Variants in HDAC4 observed in about 807,000 individuals in gnomAD.
HDAC4 encodes the protein histone deacetylase A.
A neutral mutation model predicts 135.1 loss-of-function variants in HDAC4; 16 were observed. The observed-to-expected ratio is 0.12, with a 90% CI of 0.08 to 0.18. The LOEUF is 0.18. Ranked by LOEUF, HDAC4 falls within the 10% of genes least tolerant of loss-of-function variation. The probability of loss-of-function intolerance (pLI) is 1.00; values close to 1 mark genes in which losing one functional copy is unlikely to be tolerated. For missense variants in HDAC4, 1,143 were observed against 1,511.8 expected (o/e 0.76, Z 4.05); for synonymous variants, 685 against 653.4 (o/e 1.05, Z -0.74).
At position 239,331,969 on chromosome 2, in the gene HDAC4, C is replaced by T. The variant is rs551590296; in HGVS notation, c.22+20709G>A. ...GTCCTCACAGAATCCGCAGCTTGAG[C>T]GTAAGAAGGGATACAAGAGGGAAAG... is the stretch of plus-strand genomic sequence containing the variant. On this transcript the variant is annotated intron_variant, in intron 2 of 26. Coordinates refer to ENST00000543185, the MANE Select transcript of HDAC4 (RefSeq NM_001378414.1). The surrounding 1 kb of genome is among the most constrained non-coding windows in gnomAD (Gnocchi z 4.5). 6.6e-6 allele frequency among the ~76,000 whole-genome samples: 1 copy of T among 152,054 alleles called. No homozygotes were observed. Among genetic ancestry groups the T allele is most frequent in the East Asian group, 1.9e-4 (1 of 5,176 alleles).
chr2:239,111,485 C>T lies in HDAC4; in HGVS notation c.1978+41G>A, dbSNP rs201181233. On this transcript the variant is annotated intron_variant, in intron 14 of 26. Coordinates refer to ENST00000543185, the MANE Select transcript of HDAC4 (RefSeq NM_001378414.1). Reference sequence around the variant, plus strand: ...GCCCCCCGCGCTGTGCCCACTGTGGCCCGCGTTGCACCCTCAGGCTGCACA... The same window carrying T: ...GCCCCCCGCGCTGTGCCCACTGTGGTCCGCGTTGCACCCTCAGGCTGCACA... 1.5e-4 allele frequency: 230 copies of T among 1,577,200 alleles called. No individual in the cohort carries two copies. In the African/African-American group the frequency reaches 2.5e-3, roughly 17 times the overall value.
At chr2:239,161,482 C>G (rs2042790114) in intron 6 of HDAC4, among the ~76,000 whole-genome samples, 1 of 152,148 alleles carries the variant, frequency 6.6e-6, no homozygotes. Flanking sequence ...AAGCTGGGAT[C>G]AGGGTTTCAG....
intron 2 of HDAC4, among the ~76,000 whole-genome samples, chr2:239,277,003 C>G (rs1486147753): frequency 1.3e-5 from 2 of 152,214 alleles, no homozygotes; most frequent in African/African-American, 4.8e-5. Flanking sequence ...TGTGCAGCCC[C>G]TTTCCACTGC....
intron 5 of HDAC4, among the ~76,000 whole-genome samples, chr2:239,166,501 C>A (rs951748541): frequency 6.6e-6 from 1 of 152,024 alleles, no homozygotes; most frequent in Non-Finnish European, 1.5e-5. Context: ...GGTGGGGGGA[C>A]AGGAGGGATG....
intron 3 of HDAC4, among the ~76,000 whole-genome samples, chr2:239,234,928 C>T (rs1433833599): frequency 1.3e-5 from 2 of 152,160 alleles, no homozygotes; most frequent in Non-Finnish European, 2.9e-5. Flanking sequence ...CCTGGTTAAG[C>T]ACAAGCAAGT....
At chr2:239,354,562 ATTTTTTTTTTT>A (rs566361037) in intron 1 of HDAC4, among the ~76,000 whole-genome samples, 5 of 76,534 alleles carry the variant, frequency 6.5e-5, no homozygotes, top group African/African-American at 2.8e-4. Context: ...TAGTCTAGAA[ATTTTTTTTTTT>A]TTTTTTTTTT....
Position 239,052,834 on chromosome 2 carries a change from G to A in HDAC4, c.*263C>T, listed in dbSNP as rs1559338124. 3 of 531,582 alleles carry A rather than the reference G, an allele frequency of 5.6e-6. No homozygotes were observed. The allele number at this position is 531,582 out of a possible 1,614,324, so 32.9% of individuals were successfully genotyped here. On this transcript the variant is annotated 3_prime_UTR_variant, in exon 27 of 27. Transcript: ENST00000543185. The stretch of plus-strand genomic sequence containing the variant: ...TTGCGGGACCCGCCAGAGTGTGCTT[G>A]GCTTCCGCGTGTCCGTGTGTCTGCG...
chr2:239,076,013 G>C (rs1033806128), intron 22 of HDAC4, among the ~76,000 whole-genome samples: 1 of 151,336 alleles, frequency 6.6e-6, no homozygotes, highest in South Asian at 2.1e-4. Flanking sequence ...AGTAGCAGGC[G>C]CGTGCCAGCG....
chr2:239,187,602 C>G (rs750714203), intron 4 of HDAC4, among the ~76,000 whole-genome samples: 1 of 152,186 alleles, frequency 6.6e-6, no homozygotes, highest in Non-Finnish European at 1.5e-5. Context: ...TGCAGTTGCC[C>G]ATGGTCAGGG....
chr2:239,369,357 C>CG (rs981755935), intron 1 of HDAC4, among the ~76,000 whole-genome samples: 23 of 152,090 alleles, frequency 1.5e-4, no homozygotes, highest in Non-Finnish European at 2.5e-4. Context: ...GACTGCCCGG[C>CG]GGGGGGTGGG....
intron 14 of HDAC4, among the ~76,000 whole-genome samples, 155 bp downstream of exon 14, chr2:239,111,369 CTG>C (rs1272890631): frequency 6.6e-6 from 1 of 152,182 alleles, no homozygotes; most frequent in African/African-American, 2.4e-5. Context: ...GAGAGGGCCT[CTG>C]TGACAGACCT....
At chr2:239,162,960 T>G (rs957649892) in intron 6 of HDAC4, among the ~76,000 whole-genome samples, 3 of 152,272 alleles carry the variant, frequency 2.0e-5, no homozygotes, top group Admixed American at 1.3e-4. Context: ...TTATGGGATT[T>G]TTTTCTAGAA....
chr2:239,135,544 G>A (rs2040894622), intron 9 of HDAC4, among the ~76,000 whole-genome samples: 1 of 152,246 alleles, frequency 6.6e-6, no homozygotes, highest in Non-Finnish European at 1.5e-5. Flanking sequence ...GGCGAACACT[G>A]TTGGGTGAAT....
At chr2:239,393,206 G>A (rs988845820) in intron 1 of HDAC4, among the ~76,000 whole-genome samples, 7 of 152,178 alleles carry the variant, frequency 4.6e-5, no homozygotes, top group African/African-American at 1.7e-4. Flanking sequence ...GCACCACCAA[G>A]CATGTGCCCC....
In HDAC4 at chr2:239,137,865, T is replaced by G. The variant is rs2041084301; in HGVS notation, c.978+1819A>C. On this transcript the variant is annotated intron_variant, in intron 9 of 26. Transcript: ENST00000543185. The stretch of plus-strand genomic sequence containing the variant: ...TGTGGAACATGAACAATGGCACCTC[T>G]TGGTATTTCCTGTAACTCCTTCTAC... Among the ~76,000 whole-genome samples, 6 of 152,354 alleles carry G rather than the reference T, an allele frequency of 3.9e-5. No individual in the cohort carries two copies. In the South Asian group the frequency reaches 1.2e-3, roughly 32 times the overall value.
chr2:239,312,168 G>C (rs1228372375), intron 2 of HDAC4, among the ~76,000 whole-genome samples: 6 of 152,232 alleles, frequency 3.9e-5, no homozygotes, highest in African/African-American at 1.4e-4. Context: ...CAACCTGGAA[G>C]GAGGGGCGGG....
intron 2 of HDAC4, among the ~76,000 whole-genome samples, chr2:239,317,274 G>C (rs2053149209): frequency 6.6e-6 from 1 of 152,128 alleles, no homozygotes; most frequent in Admixed American, 6.5e-5. Flanking sequence ...GCCTTTGTGA[G>C]GCTGGGCTGG....
intron 11 of HDAC4, among the ~76,000 whole-genome samples, chr2:239,129,169 T>C (rs138795950): frequency 1.7e-4 from 26 of 152,320 alleles, no homozygotes; most frequent in African/African-American, 5.1e-4. Context: ...AATTTCACTC[T>C]GCTGCCTCCA....
intron 2 of HDAC4, among the ~76,000 whole-genome samples, chr2:239,347,718 C>A (rs1041654345): frequency 2.0e-5 from 3 of 152,114 alleles, no homozygotes; most frequent in African/African-American, 4.8e-5. Flanking sequence ...TTTGACCATG[C>A]TGACCAGGCT....
Sources: allele counts gnomAD v4.1 joint callset (sites outside exome capture counted in the v4.1 genomes callset), GRCh38; gene constraint gnomAD v4.1.1; non-coding constraint Gnocchi (gnomAD v3.1); transcripts MANE v1.5; gene names NCBI Gene and HGNC (gene_info 2026-07-23, HGNC 2026-07-21).